Variants in RPS6KA3 observed in about 807,000 individuals in gnomAD.
The protein encoded by RPS6KA3 is ribosomal protein S6 kinase A3.
In RPS6KA3, 4 loss-of-function variants were observed where a neutral mutation model predicts 67.2. That is an observed-to-expected ratio of 0.06 (90% CI 0.03 to 0.14). The LOEUF (loss-of-function observed/expected upper bound fraction) is 0.14. Ranked by LOEUF, RPS6KA3 falls within the 10% of genes least tolerant of loss-of-function variation. The pLI is 1.00. For missense variants in RPS6KA3, 204 were observed against 559.0 expected, an observed-to-expected ratio of 0.36 and a Z score of 6.40; for synonymous variants, 182 against 183.7, an observed-to-expected ratio of 0.99 and a Z score of 0.07.
At chrX:20,168,677 T>A (rs1319231573) in intron 16 of RPS6KA3, among the ~76,000 whole-genome samples, 1 of 112,021 alleles carries the variant, frequency 8.9e-6, no homozygotes, top group African/African-American at 3.3e-5. Context: ...TAGGTAAGTG[T>A]TCAAGTAAGT....
intron 1 of RPS6KA3, among the ~76,000 whole-genome samples, chrX:20,261,432 T>C (rs1044088325): frequency 8.9e-6 from 1 of 112,220 alleles, no homozygotes; most frequent in Non-Finnish European, 1.9e-5. Flanking sequence ...ATATTATTTA[T>C]CAATTGAAAA....
At chrX:20,183,833 C>T (rs1461069902) in intron 10 of RPS6KA3, among the ~76,000 whole-genome samples, 2 of 111,657 alleles carry the variant, frequency 1.8e-5, no homozygotes, top group Non-Finnish European at 3.8e-5. Flanking sequence ...TTTTGTCATC[C>T]ATTATAGTAG....
chrX:20,242,443 C>G (rs2069574912), intron 1 of RPS6KA3, among the ~76,000 whole-genome samples: 1 of 111,440 alleles, frequency 9.0e-6, no homozygotes, highest in Non-Finnish European at 1.9e-5. Context: ...TATAATTATT[C>G]CTATTTTATA....
At chrX:20,191,774 C>T (rs12006664) in intron 7 of RPS6KA3, among the ~76,000 whole-genome samples, 34,621 of 107,836 alleles carry the variant, frequency 0.32, 7,276 homozygotes, top group African/African-American at 0.75. Flanking sequence ...TTATACACTT[C>T]TTTTTTTTTG....
intron 4 of RPS6KA3, among the ~76,000 whole-genome samples, chrX:20,202,498 T>A (rs1183479359): frequency 8.9e-6 from 1 of 111,821 alleles, no homozygotes; most frequent in African/African-American, 3.3e-5. Context: ...GAGAGCTTGT[T>A]CCCTTATTAT....
chrX:20,211,046 A>T (rs1169663579), intron 2 of RPS6KA3, among the ~76,000 whole-genome samples: 2 of 110,628 alleles, frequency 1.8e-5, no homozygotes, highest in African/African-American at 6.6e-5. Flanking sequence ...ATGTGGGATT[A>T]AGATTTAGAT....
chrX:20,175,501 G>A (rs1338162692), intron 13 of RPS6KA3, among the ~76,000 whole-genome samples: 2 of 111,643 alleles, frequency 1.8e-5, no homozygotes, highest in Admixed American at 9.5e-5. Context: ...GTCCCTCGGA[G>A]CCTAGAAAAT....
At chrX:20,183,223 T>C (rs1020843271) in intron 10 of RPS6KA3, among the ~76,000 whole-genome samples, 5 of 111,021 alleles carry the variant, frequency 4.5e-5, no homozygotes, top group Non-Finnish European at 9.4e-5. Context: ...GCAAATTTTT[T>C]TTGAGACACG....
intron 3 of RPS6KA3, among the ~76,000 whole-genome samples, chrX:20,208,582 G>A (rs531826603): frequency 1.8e-5 from 2 of 110,461 alleles, no homozygotes; most frequent in East Asian, 5.7e-4. Flanking sequence ...AGCTGGGCGT[G>A]GTGGTGTGTG....
intron 2 of RPS6KA3, among the ~76,000 whole-genome samples, chrX:20,228,638 C>CCATGCCATACGTATGGAA (rs2069183217): frequency 9.0e-6 from 1 of 111,169 alleles, no homozygotes; most frequent in African/African-American, 3.3e-5. Flanking sequence ...GTTTTCAGCC[C>CCATGCCATACGTATGGAA]CATGCCATAC....
chrX:20,232,441 C>T (rs2069292851), intron 2 of RPS6KA3, among the ~76,000 whole-genome samples: 2 of 111,167 alleles, frequency 1.8e-5, no homozygotes, highest in South Asian at 7.6e-4. Context: ...GGCGTGGTGG[C>T]GCGTGCCTGT....
At chrX:20,168,321 T>C (rs895255961) in intron 16 of RPS6KA3, among the ~76,000 whole-genome samples, 2 of 111,760 alleles carry the variant, frequency 1.8e-5, no homozygotes, top group Middle Eastern at 4.2e-3. Context: ...CAAAATCTTA[T>C]ATGTGTGGTA....
intron 4 of RPS6KA3, among the ~76,000 whole-genome samples, chrX:20,201,976 C>CTTT (rs1282039865): frequency 1.1e-4 from 9 of 82,760 alleles, no homozygotes; most frequent in Admixed American, 1.4e-4. Flanking sequence ...TTTCTTTTTT[C>CTTT]TTTTTTTTTT....
At chrX:20,162,163 T>C (rs1003073443) in intron 19 of RPS6KA3, among the ~76,000 whole-genome samples, 21 of 107,833 alleles carry the variant, frequency 1.9e-4, no homozygotes, top group Non-Finnish European at 3.6e-4. Context: ...TGATGAAACA[T>C]TGTCTCAACT....
chrX:20,239,354 T>C (rs941939842), intron 1 of RPS6KA3, among the ~76,000 whole-genome samples: 4 of 111,833 alleles, frequency 3.6e-5, no homozygotes, highest in Non-Finnish European at 5.7e-5. Context: ...TCGGAGAGTG[T>C]TGAAACACCT....
chrX:20,184,516 T>C (rs1198818738), intron 10 of RPS6KA3, among the ~76,000 whole-genome samples: 2 of 106,944 alleles, frequency 1.9e-5, no homozygotes, highest in Admixed American at 2.0e-4. Flanking sequence ...AGTGATCCTC[T>C]CACCTCAGCC....
intron 17 of RPS6KA3, among the ~76,000 whole-genome samples, chrX:20,165,905 T>C (rs1466360080): frequency 9.0e-6 from 1 of 111,294 alleles, no homozygotes; most frequent in East Asian, 2.8e-4. Context: ...ATTCCTGAAA[T>C]TGAGGATAAT....
chrX:20,170,105 T>A, intron 15 of RPS6KA3, among the ~76,000 whole-genome samples: 1 of 112,319 alleles, frequency 8.9e-6, no homozygotes, highest in South Asian at 3.6e-4. Flanking sequence ...GTTTAATTAT[T>A]ATAATAAAGC....
intron 2 of RPS6KA3, among the ~76,000 whole-genome samples, chrX:20,229,115 C>A (rs1441510870): frequency 9.2e-6 from 1 of 108,262 alleles, no homozygotes; most frequent in Non-Finnish European, 1.9e-5. Flanking sequence ...AAAGTAAGTG[C>A]CTTTTTTTTT....
Sources: allele counts gnomAD v4.1 joint callset (sites outside exome capture counted in the v4.1 genomes callset), GRCh38; gene constraint gnomAD v4.1.1; transcripts MANE v1.5; gene names NCBI Gene and HGNC (gene_info 2026-07-23, HGNC 2026-07-21).